Variants in CHCHD3 observed in about 807,000 individuals in gnomAD.
CHCHD3 encodes MICOS complex subunit MIC19.
Under a neutral mutation model 38.2 loss-of-function variants are expected in CHCHD3, and 20 were observed. That is an observed-to-expected ratio of 0.52 (90% CI 0.37 to 0.76). CHCHD3 has a LOEUF of 0.76. CHCHD3 is among the 30% of genes least tolerant of loss of function. The pLI is 0.00. For synonymous variants in CHCHD3, 82 were observed against 100.0 expected, an observed-to-expected ratio of 0.82 and a Z score of 1.07; for missense variants, 245 against 279.2, an observed-to-expected ratio of 0.88 and a Z score of 0.87.
intron 4 of CHCHD3, among the ~76,000 whole-genome samples, chr7:132,922,275 G>T (rs547782790): frequency 6.6e-6 from 1 of 152,042 alleles, no homozygotes. Flanking sequence ...AGGAAGAAGG[G>T]GGTTGACCAA....
intron 6 of CHCHD3, 131 bp downstream of exon 6, chr7:132,838,268 C>G (rs1412386429): frequency 1.8e-6 from 1 of 558,358 alleles, no homozygotes; most frequent in Non-Finnish European, 3.1e-6. Context: ...GCCCCCATCT[C>G]AACCACCCCA....
intron 4 of CHCHD3, among the ~76,000 whole-genome samples, chr7:132,896,589 C>T (rs1408126457): frequency 6.6e-6 from 1 of 152,118 alleles, no homozygotes; most frequent in Non-Finnish European, 1.5e-5. Flanking sequence ...CCATAAGAAA[C>T]ATTAAATAAA....
At chr7:132,995,148 T>A (rs1351554824) in intron 3 of CHCHD3, among the ~76,000 whole-genome samples, 1 of 152,238 alleles carries the variant, frequency 6.6e-6, no homozygotes, top group Non-Finnish European at 1.5e-5. Flanking sequence ...AAATGTGAAA[T>A]TCAGTAGGAT....
At chr7:133,013,262 C>T (rs1812934387) in intron 3 of CHCHD3, among the ~76,000 whole-genome samples, 1 of 149,056 alleles carries the variant, frequency 6.7e-6, no homozygotes, top group African/African-American at 2.5e-5. Context: ...AATAATTTAG[C>T]CTCTGAAACA....
At chr7:132,829,875 C>T (rs78933982) in intron 6 of CHCHD3, among the ~76,000 whole-genome samples, 2,368 of 152,242 alleles carry the variant, frequency 0.016, 56 homozygotes, top group African/African-American at 0.053. Flanking sequence ...TGCTCCTGCC[C>T]TTTTTATCCC....
chr7:132,807,643 A>ATATATATATATC (rs1806964744), intron 6 of CHCHD3, among the ~76,000 whole-genome samples: 1 of 123,964 alleles, frequency 8.1e-6, no homozygotes, highest in Non-Finnish European at 1.7e-5. Context: ...ATATATATAT[A>ATATATATATATC]TACTTGACAT....
At chr7:133,010,452 T>C (rs1476457148) in intron 3 of CHCHD3, among the ~76,000 whole-genome samples, 1 of 152,200 alleles carries the variant, frequency 6.6e-6, no homozygotes, top group Non-Finnish European at 1.5e-5. Flanking sequence ...TCCTGTCTCT[T>C]TTGACTTTTG....
intron 6 of CHCHD3, among the ~76,000 whole-genome samples, chr7:132,825,262 C>T (rs1807480448): frequency 6.6e-6 from 1 of 152,130 alleles, no homozygotes; most frequent in African/African-American, 2.4e-5. Context: ...AGATATATGC[C>T]ATTGAGCTCA....
intron 4 of CHCHD3, among the ~76,000 whole-genome samples, chr7:132,891,097 C>T (rs1809349682): frequency 6.6e-6 from 1 of 152,292 alleles, no homozygotes; most frequent in Non-Finnish European, 1.5e-5. Flanking sequence ...AACATGATCA[C>T]TGTGAATATC....
chr7:132,967,084 A>G (rs116302514), intron 4 of CHCHD3, among the ~76,000 whole-genome samples: 2,410 of 152,318 alleles, frequency 0.016, 64 homozygotes, highest in African/African-American at 0.055. Flanking sequence ...TAGGATGTCA[A>G]TAAGTTATTA....
chr7:132,786,351 G>A (rs937274106), intron 7 of CHCHD3, among the ~76,000 whole-genome samples: 10 of 152,162 alleles, frequency 6.6e-5, no homozygotes, highest in African/African-American at 2.4e-4. Flanking sequence ...TTCCCAGAGG[G>A]GGAGAACGCA....
chr7:132,806,063 T>C (rs999489881), intron 6 of CHCHD3, among the ~76,000 whole-genome samples: 14 of 151,972 alleles, frequency 9.2e-5, no homozygotes, highest in African/African-American at 3.1e-4. Flanking sequence ...CAGCAGAAGC[T>C]TGGGGAACAG....
chr7:132,886,862 C>T (rs1400949353), intron 4 of CHCHD3: 2 of 621,894 alleles, frequency 3.2e-6, no homozygotes, highest in African/African-American at 3.8e-5. Context: ...AATTCTTTTG[C>T]TAAATGATCA....
intron 5 of CHCHD3, among the ~76,000 whole-genome samples, chr7:132,863,363 G>GT (rs1808540827): frequency 6.6e-6 from 1 of 152,148 alleles, no homozygotes; most frequent in Non-Finnish European, 1.5e-5. Flanking sequence ...AATGTTTTTT[G>GT]TGAGAGGTAG....
intron 4 of CHCHD3, among the ~76,000 whole-genome samples, chr7:132,965,899 G>C (rs1468290668): frequency 2.0e-5 from 3 of 152,156 alleles, no homozygotes; most frequent in African/African-American, 4.8e-5. Flanking sequence ...GAAGAAGGGG[G>C]AAAAGCTAGC....
chr7:133,036,135 A>G (rs1416002963), intron 2 of CHCHD3: 1 of 588,018 alleles, frequency 1.7e-6, no homozygotes, highest in African/African-American at 1.9e-5. Context: ...CCCAACTCTC[A>G]CCCCATGACC....
chr7:133,054,636 T>G (rs1197027549), intron 2 of CHCHD3, among the ~76,000 whole-genome samples: 1 of 152,188 alleles, frequency 6.6e-6, no homozygotes, highest in Non-Finnish European at 1.5e-5. Flanking sequence ...GTTTAGTATA[T>G]CCTCAGAGTT....
intron 3 of CHCHD3, among the ~76,000 whole-genome samples, chr7:133,016,294 G>A (rs969100267): frequency 6.6e-6 from 1 of 152,180 alleles, no homozygotes; most frequent in African/African-American, 2.4e-5. Flanking sequence ...AGTAAGAGAT[G>A]ACCCCTGTGT....
intron 6 of CHCHD3, among the ~76,000 whole-genome samples, chr7:132,828,727 T>C (rs1585551733): frequency 1.3e-5 from 2 of 152,284 alleles, no homozygotes; most frequent in East Asian, 3.9e-4. Flanking sequence ...ATTATCTGAC[T>C]GAAACCAGGG....
Sources: allele counts gnomAD v4.1 joint callset (sites outside exome capture counted in the v4.1 genomes callset), GRCh38; gene constraint gnomAD v4.1.1; transcripts MANE v1.5; gene names NCBI Gene and HGNC (gene_info 2026-07-23, HGNC 2026-07-21).